C1orf159: variants seen among roughly 807,000 people sequenced by gnomAD.
C1orf159 encodes the protein chromosome 1 open reading frame 159, also known as uncharacterized protein C1orf159.
Under a neutral mutation model 25.6 loss-of-function variants are expected in C1orf159, and 19 were observed. The ratio of observed to expected loss-of-function variants is 0.74; its 90% CI spans 0.52 to 1.09. The LOEUF (loss-of-function observed/expected upper bound fraction) is 1.09, where lower values mean the gene tolerates loss of function less well. C1orf159 is among the 50% of genes least tolerant of loss of function. C1orf159 has a pLI of 0.00. For synonymous variants in C1orf159, 139 were observed against 124.7 expected, an observed-to-expected ratio of 1.12 and a Z score of -0.77; for missense variants, 274 against 290.6, an observed-to-expected ratio of 0.94 and a Z score of 0.42.
chr1:1,084,090 G>T, intron 9 of C1orf159: 1 of 1,601,682 alleles, frequency 6.2e-7, no homozygotes, highest in Non-Finnish European at 8.5e-7. Context: ...CCCACGTCTC[G>T]GGAACAGGAA....
intron 1 of C1orf159, among the ~76,000 whole-genome samples, chr1:1,115,759 G>T (rs1324416487): frequency 9.4e-5 from 11 of 116,796 alleles, no homozygotes; most frequent in African/African-American, 3.1e-4. Flanking sequence ...CCTCCCCGGG[G>T]TCCCCCTGCC....
chr1:1,104,377 A>T (rs992186999), intron 1 of C1orf159, among the ~76,000 whole-genome samples: 10 of 152,208 alleles, frequency 6.6e-5, no homozygotes, highest in Admixed American at 6.5e-4. Flanking sequence ...CAAAAACAGG[A>T]AACTGTGCTG....
At chr1:1,115,727 C>T (rs1646329276) in intron 1 of C1orf159, among the ~76,000 whole-genome samples, 1 of 114,652 alleles carries the variant, frequency 8.7e-6, no homozygotes, top group Non-Finnish European at 1.9e-5. Flanking sequence ...CCCCTCCCCT[C>T]CTTAGGGACC....
At chr1:1,084,090 G>C in intron 9 of C1orf159, 1 of 1,601,682 alleles carries the variant, frequency 6.2e-7, no homozygotes, top group Non-Finnish European at 8.5e-7. Context: ...CCCACGTCTC[G>C]GGAACAGGAA....
In C1orf159 at chr1:1,097,016, G is replaced by T. The variant is rs562287386; in HGVS notation, c.-135-4913C>A. Among the ~76,000 whole-genome samples, 4 of 151,894 alleles carry T rather than the reference G, an allele frequency of 2.6e-5. No individual in the cohort carries two copies. In the South Asian group the frequency reaches 6.3e-4, roughly 24 times the overall value. On this transcript the variant is annotated intron_variant, in intron 1 of 9. Transcript: ENST00000421241. ...GGTCTCCCAAAGTGCTGGGATTACA[G>T]GTGTGAGCCACCAGAGATGGCAATA... is the stretch of plus-strand genomic sequence containing the variant.
At chr1:1,085,676 C>A (rs755199169) in intron 7 of C1orf159, among the ~76,000 whole-genome samples, 8 of 152,208 alleles carry the variant, frequency 5.3e-5, no homozygotes, top group Non-Finnish European at 1.2e-4. Flanking sequence ...TGCTTCGACC[C>A]TTCAAATCCA....
rs1414183018 is a variant in C1orf159, at chr1:1,108,370, C to G, written c.-136+7690G>C. 1.5e-5 allele frequency among the ~76,000 whole-genome samples: 2 copies of G among 130,280 alleles called. 1 individual carries two copies. Among genetic ancestry groups the G allele is most frequent in the African/African-American group, 7.2e-5 (2 of 27,844 alleles). 85.5% of individuals were successfully genotyped at this position (130,280 alleles called of 152,430 possible). ...GCCACCATGTCTTGGCACTGTTCAC[C>G]ACAGCCACCATGTCTCGGCACCGTT... On this transcript the variant is annotated intron_variant, in intron 1 of 9. Coordinates refer to ENST00000421241, the MANE Select transcript of C1orf159 (RefSeq NM_017891.5).
rs1327484987 is a variant in C1orf159 at position 1,085,991 on chromosome 1, G to T, written c.332C>A (p.Ser111Tyr). Residue 111 changes from serine to tyrosine, a missense_variant, in exon 7 of 10, where the codon TCC (serine) becomes TAC (tyrosine). Ser to Tyr is a moderately radical substitution (Grantham distance 144). Transcript: ENST00000421241. Reference sequence around the variant, plus strand: ...AATGAAGAACGTGCCCAGGAAGAGGGAGGCGGCCACGCGCGGAGCCCCTGC... The same window carrying T: ...AATGAAGAACGTGCCCAGGAAGAGGTAGGCGGCCACGCGCGGAGCCCCTGC... ...PHPGAPRVAA[S>Y]LFLGTFFISS... is the part of the protein sequence containing the mutation. The T allele has an allele frequency of 6.2e-7, 1 of 1,613,102 alleles. No individual in the cohort carries two copies. The highest frequency in any genetic ancestry group is 1.7e-5 in the Admixed American group (1 of 60,026).
intron 1 of C1orf159, among the ~76,000 whole-genome samples, chr1:1,102,880 AGTGCAGTGGCATGATCTGGGCTCAC>A (rs1194107408): frequency 2.6e-5 from 4 of 151,066 alleles, no homozygotes; most frequent in African/African-American, 9.7e-5. Context: ...CCCAGGCTGG[AGTGCAGTGGCATGATCTGGGCTCAC>A]TGCAGCCTCT....
rs1646246683 is a variant in C1orf159 at position 1,110,765 on chromosome 1, G to A, written c.-136+5295C>T. Among the ~76,000 whole-genome samples the A allele has an allele frequency of 6.6e-6, 1 of 152,230 alleles. No homozygotes were observed. The highest frequency in any genetic ancestry group is 2.4e-5 in the African/African-American group (1 of 41,450). On this transcript the variant is annotated intron_variant, in intron 1 of 9. Coordinates refer to ENST00000421241, the MANE Select transcript of C1orf159 (RefSeq NM_017891.5). The surrounding 1 kb of genome is among the most constrained non-coding windows in gnomAD (Gnocchi z 4.8). ...GGAAACCCACCCGGGCGCCCTCAGA[G>A]ACGACGAGCACGCAACAGCGCATCC... is the stretch of plus-strand genomic sequence containing the variant.
intron 1 of C1orf159, among the ~76,000 whole-genome samples, chr1:1,099,140 G>T (rs1646053293): frequency 6.6e-6 from 1 of 151,690 alleles, no homozygotes; most frequent in Non-Finnish European, 1.5e-5. Flanking sequence ...ATTGTCTATT[G>T]ATGTTTTTGG....
chr1:1,099,704 GGAGA>G (rs749901287), intron 1 of C1orf159, among the ~76,000 whole-genome samples: 16 of 79,820 alleles, frequency 2.0e-4, no homozygotes, highest in Admixed American at 6.5e-4. Context: ...TCTAAGAATT[GGAGA>G]GAGAGAGAGG....
chr1:1,104,269 G>A (rs1268284131), intron 1 of C1orf159, among the ~76,000 whole-genome samples: 2 of 152,240 alleles, frequency 1.3e-5, no homozygotes, highest in East Asian at 1.9e-4. Context: ...TCACAGGCGT[G>A]AGCCACTGCA....
intron 1 of C1orf159, among the ~76,000 whole-genome samples, chr1:1,097,501 C>G (rs1646024071): frequency 6.6e-6 from 1 of 152,150 alleles, no homozygotes; most frequent in Non-Finnish European, 1.5e-5. Flanking sequence ...CAGCCTCAAC[C>G]TCCTGGGCTC....
chr1:1,085,261 G>A (rs762195510), intron 7 of C1orf159: 33 of 436,338 alleles, frequency 7.6e-5, no homozygotes, highest in South Asian at 2.7e-4. Flanking sequence ...CTTGGGGTCC[G>A]AACTGCTGGC....
chr1:1,115,863 ACGAGGACGCGG>A (rs1646332921), intron 1 of C1orf159, among the ~76,000 whole-genome samples, 186 bp downstream of exon 1: 1 of 146,766 alleles, frequency 6.8e-6, no homozygotes, highest in Non-Finnish European at 1.5e-5. Context: ...GGAGGCGGCG[ACGAGGACGCGG>A]GCCCAGGCGC....
intron 1 of C1orf159, among the ~76,000 whole-genome samples, chr1:1,111,397 T>G (rs796207740): frequency 3.3e-4 from 50 of 149,402 alleles, no homozygotes; most frequent in African/African-American, 1.2e-3. Flanking sequence ...TAGCTGGGCT[T>G]GGTGACGTAT....
chr1:1,084,986 G>A (rs578058136), intron 7 of C1orf159, among the ~76,000 whole-genome samples: 77 of 152,248 alleles, frequency 5.1e-4, no homozygotes, highest in Admixed American at 9.8e-4. Context: ...CTGGCTTCTC[G>A]TCCCGTGGCC....
intron 1 of C1orf159, among the ~76,000 whole-genome samples, chr1:1,099,660 T>G (rs1011313603): frequency 4.8e-5 from 5 of 103,414 alleles, no homozygotes; most frequent in East Asian, 5.2e-4. Context: ...TGACTATGAT[T>G]GTGGATTGTC....
Sources: allele counts gnomAD v4.1 joint callset (sites outside exome capture counted in the v4.1 genomes callset), GRCh38; gene constraint gnomAD v4.1.1; non-coding constraint Gnocchi (gnomAD v3.1); transcripts MANE v1.5; gene names NCBI Gene and HGNC (gene_info 2026-07-23, HGNC 2026-07-21).